PKNOX2: variants seen among roughly 807,000 people sequenced by gnomAD.
The protein encoded by PKNOX2 is homeobox protein PKNOX2.
PKNOX2 carries 14 observed loss-of-function variants against 53.1 expected under a neutral mutation model. The ratio of observed to expected loss-of-function variants is 0.26; its 90% CI spans 0.17 to 0.41. The LOEUF is 0.41. Ranked by LOEUF, PKNOX2 falls within the 10% of genes least tolerant of loss-of-function variation. PKNOX2 has a pLI of 1.00. For synonymous variants in PKNOX2, 257 were observed against 242.8 expected (o/e 1.06, Z -0.54); for missense variants, 496 against 602.8 (o/e 0.82, Z 1.85).
intron 2 of PKNOX2, among the ~76,000 whole-genome samples, chr11:125,241,343 C>T (rs747332175): frequency 4.6e-5 from 7 of 152,156 alleles, no homozygotes; most frequent in Admixed American, 1.3e-4. Flanking sequence ...TCAGCCTGGG[C>T]GGCCCTTGCT....
chr11:125,245,157 G>T (rs780080761), intron 2 of PKNOX2, among the ~76,000 whole-genome samples: 1 of 152,150 alleles, frequency 6.6e-6, no homozygotes, highest in Non-Finnish European at 1.5e-5. Context: ...ACTCAGCCTT[G>T]GTGGCTGGCT....
chr11:125,252,079 G>A (rs1944045306), intron 2 of PKNOX2, among the ~76,000 whole-genome samples: 1 of 152,138 alleles, frequency 6.6e-6, no homozygotes, highest in Non-Finnish European at 1.5e-5. Context: ...GCCTCCATCA[G>A]GCAAGGCCAC....
chr11:125,173,530 C>A (rs936651733), intron 1 of PKNOX2, among the ~76,000 whole-genome samples: 2 of 152,240 alleles, frequency 1.3e-5, no homozygotes, highest in African/African-American at 4.8e-5. Flanking sequence ...AAAGAACCAG[C>A]TAAACTCATC....
At chr11:125,222,664 GTGTGTGTGTATGTGTGTGCGTA>G (rs1243892423) in intron 1 of PKNOX2, among the ~76,000 whole-genome samples, 1 of 113,884 alleles carries the variant, frequency 8.8e-6, no homozygotes, top group African/African-American at 2.8e-5. Context: ...TGCTGTGTAT[GTGTGTGTGTATGTGTGTGCGTA>G]TGTGTGTGTA....
At chr11:125,414,826 T>C (rs1955784332) in intron 10 of PKNOX2, among the ~76,000 whole-genome samples, 1 of 152,126 alleles carries the variant, frequency 6.6e-6, no homozygotes, top group Admixed American at 6.5e-5. Context: ...GAGCCAGGCC[T>C]AGCACATAGC....
intron 4 of PKNOX2, among the ~76,000 whole-genome samples, chr11:125,367,134 T>G (rs1323181039): frequency 2.6e-5 from 4 of 152,234 alleles, no homozygotes; most frequent in African/African-American, 9.6e-5. Context: ...ATTGAACCAT[T>G]TCTTTAAACA....
Position 125,285,828 on chromosome 11 carries a change from G to A in PKNOX2, c.-129-45991G>A, listed in dbSNP as rs76759265. Among the ~76,000 whole-genome samples the A allele has an allele frequency of 5.5e-4, 83 of 152,270 alleles. 1 individual carries two copies. Among genetic ancestry groups the A allele is most frequent in the East Asian group, 4.4e-3 (23 of 5,190 alleles). ...CAGGTAATAAATACTCCAAGCTCAC[G>A]GCTTCCTAAGCACTTCACTACCATC... is the stretch of plus-strand genomic sequence containing the variant. On this transcript the variant is annotated intron_variant, in intron 2 of 12. Coordinates refer to ENST00000298282, the MANE Select transcript of PKNOX2 (RefSeq NM_001382323.2).
intron 1 of PKNOX2, among the ~76,000 whole-genome samples, chr11:125,215,526 C>A (rs569078535): frequency 6.6e-6 from 1 of 151,926 alleles, no homozygotes; most frequent in African/African-American, 2.4e-5. Flanking sequence ...CTGAAGCAGG[C>A]GGATCACCTG....
chr11:125,296,358 G>A (rs1329879328), intron 2 of PKNOX2, among the ~76,000 whole-genome samples: 1 of 152,110 alleles, frequency 6.6e-6, no homozygotes, highest in East Asian at 1.9e-4. Context: ...GTTCAGCCAC[G>A]TCTCCTGCTC....
chr11:125,218,080 C>T (rs1396657255), intron 1 of PKNOX2, among the ~76,000 whole-genome samples: 1 of 152,094 alleles, frequency 6.6e-6, no homozygotes, highest in Admixed American at 6.5e-5. Flanking sequence ...TAGGGCCTTT[C>T]TTCTAGCTGC....
At chr11:125,398,865 G>A (rs1954570130) in intron 7 of PKNOX2, among the ~76,000 whole-genome samples, 1 of 152,334 alleles carries the variant, frequency 6.6e-6, no homozygotes, top group Middle Eastern at 3.4e-3. Context: ...CACCTGGAGG[G>A]TCCCCAAGGA....
intron 2 of PKNOX2, among the ~76,000 whole-genome samples, chr11:125,243,708 C>T (rs1231640296): frequency 1.3e-5 from 2 of 151,826 alleles, no homozygotes; most frequent in South Asian, 2.1e-4. Flanking sequence ...CTGCAAGCTC[C>T]GCCTCTTTGG....
intron 7 of PKNOX2, among the ~76,000 whole-genome samples, chr11:125,403,784 T>C (rs1415423738): frequency 6.6e-6 from 1 of 152,108 alleles, no homozygotes; most frequent in Non-Finnish European, 1.5e-5. Context: ...AGAAGCCAAT[T>C]GCTACGAAGC....
chr11:125,186,733 A>G (rs1437364994), intron 1 of PKNOX2, among the ~76,000 whole-genome samples: 1 of 152,228 alleles, frequency 6.6e-6, no homozygotes, highest in Non-Finnish European at 1.5e-5. Context: ...TCTAATTTAT[A>G]TATTTTTCTT....
chr11:125,257,454 G>T (rs181498614), intron 2 of PKNOX2, among the ~76,000 whole-genome samples: 59 of 152,354 alleles, frequency 3.9e-4, no homozygotes, highest in African/African-American at 1.3e-3. Flanking sequence ...AGACCTGCAG[G>T]ATCCCAGTAG....
intron 1 of PKNOX2, among the ~76,000 whole-genome samples, chr11:125,189,435 GTGTGTGTGTGTGTATATATATATATATA>G (rs1163843575): frequency 3.4e-4 from 27 of 79,594 alleles, no homozygotes; most frequent in African/African-American, 8.2e-4. Flanking sequence ...GTGTGTGTGT[GTGTGTGTGTGTGTATATATATATATATA>G]TATATATATA....
At chr11:125,268,524 G>T (rs1435580203) in intron 2 of PKNOX2, among the ~76,000 whole-genome samples, 1 of 152,194 alleles carries the variant, frequency 6.6e-6, no homozygotes, top group Admixed American at 6.5e-5. Flanking sequence ...TTAATGCTGG[G>T]GTTGGGGCAG....
At chr11:125,220,836 A>C (rs1176574603) in intron 1 of PKNOX2, among the ~76,000 whole-genome samples, 2 of 152,206 alleles carry the variant, frequency 1.3e-5, no homozygotes. Context: ...ACACAACAGC[A>C]AAATCCTACA....
Position 125,351,282 on chromosome 11 carries a change from A to T in PKNOX2, c.-22-2A>T. 1 of 1,440,442 alleles carries T rather than the reference A, an allele frequency of 6.9e-7. No homozygotes were observed. Among genetic ancestry groups the T allele is most frequent in the Non-Finnish European group, 9.7e-7 (1 of 1,027,114 alleles). 89.2% of individuals were successfully genotyped at this position (1,440,442 alleles called of 1,614,324 possible). A position where few individuals can be genotyped will look rare whatever the true frequency, so the allele number is the denominator to read the frequency against. On this transcript the variant is annotated splice_acceptor_variant, in intron 3 of 12. Transcript: ENST00000298282. LOFTEE classifies it low-confidence loss of function (5UTR_SPLICE). ...GTGCGGCCCCCTTTCTCCTGCCCACAGGTCCTCCATGTGAATCAATCCCAT... is the reference window on the plus strand; with the variant it reads ...GTGCGGCCCCCTTTCTCCTGCCCACTGGTCCTCCATGTGAATCAATCCCAT...
Sources: gnomAD v4.1 joint callset for allele counts (sites outside exome capture counted in the v4.1 genomes callset) on GRCh38, gnomAD v4.1.1 for gene constraint, MANE v1.5 for transcripts, NCBI Gene and HGNC (gene_info 2026-07-23, HGNC 2026-07-21) for gene names.